The following PABPC4L variants were observed in gnomAD, a reference collection of about 807,000 sequenced individuals.
PABPC4L encodes polyadenylate-binding protein 4-like.
For missense variants in PABPC4L, 452 were observed against 451.4 expected (o/e 1.00, Z -0.01); for synonymous variants, 169 against 164.1 (o/e 1.03, Z -0.23).
chr4:133,973,515 C>T, the PABPC4L span, among the ~76,000 whole-genome samples: 1 of 152,094 alleles, frequency 6.6e-6, no homozygotes, highest in African/African-American at 2.4e-5. Flanking sequence ...GTGCTCTAAT[C>T]CCATTCCCTT....
the PABPC4L span, among the ~76,000 whole-genome samples, chr4:134,186,880 A>G: frequency 3.3e-5 from 5 of 152,180 alleles, no homozygotes; most frequent in Non-Finnish European, 1.5e-5. Flanking sequence ...AAAGTGGGCA[A>G]AGGATATGAA....
chr4:134,047,332 A>G, the PABPC4L span, among the ~76,000 whole-genome samples: 1 of 152,038 alleles, frequency 6.6e-6, no homozygotes, highest in African/African-American at 2.4e-5. Flanking sequence ...CCCCAAGCCT[A>G]CTCATCTCCA....
chr4:133,972,530 C>G, the PABPC4L span, among the ~76,000 whole-genome samples: 10 of 152,036 alleles, frequency 6.6e-5, no homozygotes, highest in Non-Finnish European at 1.3e-4. Flanking sequence ...AAGAAAGCGA[C>G]TTTACTCAAG....
chr4:134,025,651 C>T, the PABPC4L span, among the ~76,000 whole-genome samples: 31 of 151,788 alleles, frequency 2.0e-4, no homozygotes, highest in Non-Finnish European at 4.6e-4. Flanking sequence ...TATCATGCAC[C>T]CCACAACTAA....
At chr4:134,038,305 A>C in the PABPC4L span, among the ~76,000 whole-genome samples, 5 of 152,066 alleles carry the variant, frequency 3.3e-5, no homozygotes, top group Admixed American at 2.6e-4. Flanking sequence ...TGTCTCTGCC[A>C]GGTTTTGGTA....
At chr4:134,118,214 T>G in the PABPC4L span, among the ~76,000 whole-genome samples, 1 of 151,806 alleles carries the variant, frequency 6.6e-6, no homozygotes, top group African/African-American at 2.4e-5. Context: ...ATAAGTAGGT[T>G]AAAATGCCAG....
At chr4:133,976,795 T>A in the PABPC4L span, among the ~76,000 whole-genome samples, 1 of 152,228 alleles carries the variant, frequency 6.6e-6, no homozygotes, top group Non-Finnish European at 1.5e-5. Context: ...TTTGCCCACT[T>A]TTTAATGGGG....
chr4:134,074,061 T>C, the PABPC4L span, among the ~76,000 whole-genome samples: 1 of 152,210 alleles, frequency 6.6e-6, no homozygotes, highest in African/African-American at 2.4e-5. Context: ...TCATTACTTA[T>C]GCAAATTTCT....
the PABPC4L span, among the ~76,000 whole-genome samples, chr4:133,958,930 TTC>T: frequency 6.6e-6 from 1 of 152,272 alleles, no homozygotes; most frequent in South Asian, 2.1e-4. Flanking sequence ...CCTTGCTAAG[TTC>T]TCCCAGTTTG....
chr4:133,960,389 GAAGTAGAGGAGCAACGGA>G, the PABPC4L span, among the ~76,000 whole-genome samples: 1 of 152,188 alleles, frequency 6.6e-6, no homozygotes, highest in Non-Finnish European at 1.5e-5. Flanking sequence ...GCAAAATACA[GAAGTAGAGGAGCAACGGA>G]AAGACCCTGG....
At chr4:134,012,679 C>T in the PABPC4L span, among the ~76,000 whole-genome samples, 2 of 152,192 alleles carry the variant, frequency 1.3e-5, no homozygotes, top group Admixed American at 1.3e-4. Flanking sequence ...CCCCTGTCCT[C>T]CTGCTCTTTG....
In PABPC4L at chr4:134,200,432, G is replaced by GT; in HGVS notation, c.587dup (p.Asn196LysfsTer5). The GT allele has an allele frequency of 3.9e-6, 6 of 1,552,690 alleles. No homozygotes were observed. Among genetic ancestry groups the GT allele is most frequent in the Non-Finnish European group, 5.2e-6 (6 of 1,147,502 alleles). On this transcript the variant is annotated frameshift_variant, in exon 2 of 2. Coordinates refer to ENST00000421491, the MANE Select transcript of PABPC4L (RefSeq NM_001114734.2). LOFTEE classifies it low-confidence loss of function (END_TRUNC). Reference sequence around the variant, plus strand: ...TCTCATCATCCATGTCACCTCCAAAGTTTTTTATGTAAACATTGGTGAATT... The same window carrying GT: ...TCTCATCATCCATGTCACCTCCAAAGTTTTTTTATGTAAACATTGGTGAATT...
the PABPC4L span, among the ~76,000 whole-genome samples, chr4:134,134,962 A>T: frequency 1.3e-5 from 2 of 151,908 alleles, no homozygotes; most frequent in African/African-American, 2.4e-5. Flanking sequence ...TAGAAGAAAG[A>T]TCTGTGTGTT....
At chr4:134,017,792 C>T in the PABPC4L span, among the ~76,000 whole-genome samples, 1 of 152,038 alleles carries the variant, frequency 6.6e-6, no homozygotes, top group African/African-American at 2.4e-5. Context: ...CCCCTTACCA[C>T]AAAATCTTCC....
chr4:134,148,832 A>C, the PABPC4L span, among the ~76,000 whole-genome samples: 1 of 144,410 alleles, frequency 6.9e-6, no homozygotes, highest in Admixed American at 7.3e-5. Context: ...GAATGACATA[A>C]GGAGCTCAAA....
At chr4:134,065,617 T>C in the PABPC4L span, among the ~76,000 whole-genome samples, 74,510 of 151,914 alleles carry the variant, frequency 0.49, 19,244 homozygotes, top group East Asian at 0.93. Flanking sequence ...AGCTCTTTAG[T>C]TTAATGATTC....
the PABPC4L span, among the ~76,000 whole-genome samples, chr4:134,174,632 AT>A: frequency 6.6e-6 from 1 of 152,096 alleles, no homozygotes; most frequent in Non-Finnish European, 1.5e-5. Context: ...CTGTATATGT[AT>A]TTATGTTTGT....
the PABPC4L span, among the ~76,000 whole-genome samples, chr4:134,100,082 C>T: frequency 3.3e-5 from 5 of 151,594 alleles, no homozygotes; most frequent in African/African-American, 9.7e-5. Flanking sequence ...GCGGCAAACT[C>T]GCTCCTTTCC....
the PABPC4L span, among the ~76,000 whole-genome samples, chr4:133,959,551 C>T: frequency 8.5e-5 from 13 of 152,092 alleles, no homozygotes; most frequent in Non-Finnish European, 1.6e-4. Context: ...GTGCTGTGGG[C>T]TGAGACTAGT....
Sources: allele counts gnomAD v4.1 joint callset (sites outside exome capture counted in the v4.1 genomes callset), GRCh38; gene constraint gnomAD v4.1.1; transcripts MANE v1.5; gene names NCBI Gene and HGNC (gene_info 2026-07-23, HGNC 2026-07-21).